The following ACER2 variants were observed in gnomAD, a reference collection of about 807,000 sequenced individuals.
The protein encoded by ACER2 is alkaline ceramidase 2, also known as alkCDase 2.
ACER2 carries 26 observed loss-of-function variants against 34.7 expected under a neutral mutation model. The ratio of observed to expected loss-of-function variants is 0.75; its 90% CI spans 0.55 to 1.04. The LOEUF is 1.04. Ranked by LOEUF, ACER2 falls within the 50% of genes least tolerant of loss-of-function variation. ACER2 has a pLI of 0.00. For missense variants in ACER2, 352 were observed against 340.8 expected, an observed-to-expected ratio of 1.03 and a Z score of -0.26; for synonymous variants, 138 against 132.1, an observed-to-expected ratio of 1.04 and a Z score of -0.31.
intron 3 of ACER2, among the ~76,000 whole-genome samples, chr9:19,431,185 T>C (rs1357522994): frequency 6.6e-6 from 1 of 152,176 alleles, no homozygotes; most frequent in Non-Finnish European, 1.5e-5. Flanking sequence ...ATAACAGTAA[T>C]AATGAATTTT....
intron 1 of ACER2, among the ~76,000 whole-genome samples, chr9:19,418,190 G>A (rs1830292112): frequency 6.6e-6 from 1 of 152,132 alleles, no homozygotes; most frequent in Non-Finnish European, 1.5e-5. Context: ...TAAAAAGTCA[G>A]GAAACAACAG....
intron 3 of ACER2, among the ~76,000 whole-genome samples, chr9:19,430,753 T>G (rs1011073161): frequency 6.6e-6 from 1 of 151,012 alleles, no homozygotes; most frequent in Non-Finnish European, 1.5e-5. Flanking sequence ...AGGTCAGGAG[T>G]TTGAGACTAG....
intron 3 of ACER2, among the ~76,000 whole-genome samples, chr9:19,428,172 T>G (rs1830640290): frequency 6.6e-6 from 1 of 151,788 alleles, no homozygotes; most frequent in Non-Finnish European, 1.5e-5. Context: ...TTCATTTTGT[T>G]TTTTCTTTTT....
chr9:19,416,724 G>A (rs1830251807), intron 1 of ACER2, among the ~76,000 whole-genome samples: 1 of 151,426 alleles, frequency 6.6e-6, no homozygotes, highest in Non-Finnish European at 1.5e-5. Flanking sequence ...GTAGAGACAG[G>A]GTTTTGCCAT....
intron 3 of ACER2, among the ~76,000 whole-genome samples, chr9:19,425,424 G>A (rs1490526562): frequency 2.0e-5 from 3 of 152,196 alleles, no homozygotes; most frequent in Admixed American, 1.3e-4. Flanking sequence ...AATAGCCATT[G>A]TGTTAGGGTT....
At chr9:19,426,265 T>A (rs375499628) in intron 3 of ACER2, among the ~76,000 whole-genome samples, 25 of 151,470 alleles carry the variant, frequency 1.7e-4, no homozygotes, top group Admixed American at 3.9e-4. Flanking sequence ...TTAATCTCTT[T>A]CTTTCTTTCT....
chr9:19,448,283 G>A (rs1410083219), intron 5 of ACER2, among the ~76,000 whole-genome samples: 3 of 151,900 alleles, frequency 2.0e-5, no homozygotes, highest in Non-Finnish European at 1.5e-5. Context: ...CAAAGTGCTG[G>A]GATTACAGGC....
At position 19,434,982 on chromosome 9, in the gene ACER2, C is replaced by T. The variant is rs10964136; in HGVS notation, c.401C>T (p.Ala134Val). 0.02 allele frequency: 31,907 copies of T among 1,614,000 alleles called. 768 individuals are homozygous for T. The highest frequency in any genetic ancestry group is 0.15 in the East Asian group (6,899 of 44,864). The change falls in exon 4 of 6, where the codon GCG (alanine) becomes GTG (valine). Residue 134 changes from alanine to valine, a missense_variant. Coordinates refer to ENST00000340967, the MANE Select transcript of ACER2 (RefSeq NM_001010887.3). Reference sequence around the variant, plus strand: ...AAGGTGGTGGTCAGTGTCCTGTCTGCGGTTACGACGTGCCTGGCATTTGTC... The same window carrying T: ...AAGGTGGTGGTCAGTGTCCTGTCTGTGGTTACGACGTGCCTGGCATTTGTC... Reference protein sequence around the residue: ...RFKVVVSVLSAVTTCLAFVKP... With the variant: ...RFKVVVSVLSVVTTCLAFVKP...
In ACER2 at chr9:19,451,661, A is replaced by G. The variant is rs1831573595; in HGVS notation, c.*1025A>G. On this transcript the variant is annotated 3_prime_UTR_variant, in exon 6 of 6. Transcript: ENST00000340967. Reference sequence around the variant, plus strand: ...CTCAAATCTACAGAGAAGAAGAATTATGGCATGAACATTCCCACAGACCCA... The same window carrying G: ...CTCAAATCTACAGAGAAGAAGAATTGTGGCATGAACATTCCCACAGACCCA... 6.6e-6 allele frequency: 1 copy of G among 152,236 alleles called. No individual in the cohort carries two copies. The highest frequency in any genetic ancestry group is 1.5e-5 in the Non-Finnish European group (1 of 68,050). The allele number at this position is 152,236 out of a possible 1,614,324, so 9.4% of individuals were successfully genotyped here.
chr9:19,447,996 G>C (rs1254854801), intron 5 of ACER2, among the ~76,000 whole-genome samples: 3 of 128,964 alleles, frequency 2.3e-5, no homozygotes, highest in Non-Finnish European at 5.0e-5. Context: ...TTCTATACAC[G>C]ATGCAAACTT....
chr9:19,448,572 AAATT>A lies in ACER2; in HGVS notation c.642-1874_642-1871del, dbSNP rs369777317. 5.6e-4 allele frequency among the ~76,000 whole-genome samples: 85 copies of A among 152,264 alleles called. 1 individual carries two copies. In the South Asian group the frequency reaches 0.014, roughly 26 times the overall value. On this transcript the variant is annotated intron_variant, in intron 5 of 5. Coordinates refer to ENST00000340967, the MANE Select transcript of ACER2 (RefSeq NM_001010887.3). ...GAGTTTCTGAATATTTTCATATGTT[AAATT>A]AATATTATATATTGCTAAATCCAGA... is the stretch of plus-strand genomic sequence containing the variant.
At chr9:19,416,047 G>A (rs2132460821) in intron 1 of ACER2, among the ~76,000 whole-genome samples, 1 of 144,770 alleles carries the variant, frequency 6.9e-6, no homozygotes, top group East Asian at 1.9e-4. Context: ...AGGCTAGAAA[G>A]GAAACTTTAT....
At chr9:19,446,133 CTG>C (rs1214664292) in intron 4 of ACER2, 146 bp from the exon 5 acceptor site, 2 of 1,106,126 alleles carry the variant, frequency 1.8e-6, no homozygotes, top group Non-Finnish European at 1.4e-6. Flanking sequence ...ATCCATGAGA[CTG>C]TGGAGTGACT....
At chr9:19,446,167 G>A in intron 4 of ACER2, 114 bp from the exon 5 acceptor site, 1 of 1,442,446 alleles carries the variant, frequency 6.9e-7, no homozygotes, top group Non-Finnish European at 9.8e-7. Context: ...AAGAACTTCA[G>A]TGTCTTGGGG....
intron 1 of ACER2, among the ~76,000 whole-genome samples, chr9:19,418,998 C>T (rs1196439681): frequency 6.6e-6 from 1 of 152,108 alleles, no homozygotes; most frequent in African/African-American, 2.4e-5. Flanking sequence ...ACCAGCCTGA[C>T]CAACATGGTG....
intron 3 of ACER2, among the ~76,000 whole-genome samples, chr9:19,433,956 C>T (rs1455179262): frequency 6.6e-6 from 1 of 151,400 alleles, no homozygotes; most frequent in Admixed American, 6.6e-5. Context: ...GGGGGCTGAC[C>T]CCCCCACCTC....
In ACER2 at chr9:19,450,646, G is replaced by A; in HGVS notation, c.*10G>A. ...AGTCAAGATCACGTGATGGCAAGAT[G>A]GTGGCTGGCTTCTCTGCTTATCGCC... On this transcript the variant is annotated 3_prime_UTR_variant, in exon 6 of 6. Transcript: ENST00000340967. 6.5e-7 allele frequency: 1 copy of A among 1,538,114 alleles called. No individual in the cohort carries two copies. The highest frequency in any genetic ancestry group is 8.9e-7 in the Non-Finnish European group (1 of 1,125,188).
At chr9:19,410,070 A>T (rs769825883) in intron 1 of ACER2, among the ~76,000 whole-genome samples, 1 of 152,324 alleles carries the variant, frequency 6.6e-6, no homozygotes, top group East Asian at 1.9e-4. Context: ...TCTGTGGCTT[A>T]TCTTTTCACC....
chr9:19,419,139 C>T (rs1000361485), intron 1 of ACER2, among the ~76,000 whole-genome samples: 19 of 151,576 alleles, frequency 1.3e-4, no homozygotes, highest in South Asian at 2.1e-4. Context: ...TGCAGTGAGC[C>T]GAGATCGCAC....
Sources: gnomAD v4.1 joint callset for allele counts (sites outside exome capture counted in the v4.1 genomes callset) on GRCh38, gnomAD v4.1.1 for gene constraint, MANE v1.5 for transcripts, NCBI Gene and HGNC (gene_info 2026-07-23, HGNC 2026-07-21) for gene names.